RBM26: variants seen among roughly 807,000 people sequenced by gnomAD.
RBM26 encodes RNA binding motif protein 26.
A neutral mutation model predicts 123.6 loss-of-function variants in RBM26; 30 were observed. The ratio of observed to expected loss-of-function variants is 0.24; its 90% CI spans 0.18 to 0.33. The LOEUF (loss-of-function observed/expected upper bound fraction) is 0.33. RBM26 is among the 10% of genes least tolerant of loss of function. The pLI is 1.00. For missense variants in RBM26, 947 were observed against 1,203.6 expected, an observed-to-expected ratio of 0.79 and a Z score of 3.15; for synonymous variants, 400 against 404.4, an observed-to-expected ratio of 0.99 and a Z score of 0.13.
intron 18 of RBM26, among the ~76,000 whole-genome samples, chr13:79,337,556 T>C (rs2070655773): frequency 6.6e-6 from 1 of 152,206 alleles, no homozygotes; most frequent in Non-Finnish European, 1.5e-5. Flanking sequence ...TCTTGCTCTC[T>C]AAGACATCAG....
At chr13:79,399,986 T>C (rs1054256062) in intron 1 of RBM26, among the ~76,000 whole-genome samples, 2 of 152,122 alleles carry the variant, frequency 1.3e-5, no homozygotes, top group Non-Finnish European at 2.9e-5. Context: ...AGTGGTTAAG[T>C]CTAAACATAC....
chr13:79,320,106 TAC>T lies in RBM26; in HGVS notation c.*513_*514del. On this transcript the variant is annotated 3_prime_UTR_variant, in exon 22 of 22. Coordinates refer to ENST00000438737, the MANE Select transcript of RBM26 (RefSeq NM_001366735.2). ...ATTAAAACCCATATGGTAAAATACA[TAC>T]ACAGTCCAACAAAAGGCTAATACAT... The T allele has an allele frequency of 1.0e-6, 1 of 973,938 alleles. No homozygotes were observed. Among genetic ancestry groups the T allele is most frequent in the African/African-American group, 1.8e-5 (1 of 56,848 alleles). 60.3% of individuals were successfully genotyped at this position (973,938 alleles called of 1,614,324 possible). A position where few individuals can be genotyped will look rare whatever the true frequency, so the allele number is the denominator to read the frequency against.
chr13:79,396,454 T>G (rs1426108550), intron 1 of RBM26, among the ~76,000 whole-genome samples: 1 of 152,170 alleles, frequency 6.6e-6, no homozygotes, highest in Non-Finnish European at 1.5e-5. Flanking sequence ...TCCTAGTTAT[T>G]AAACGAATAG....
intron 18 of RBM26, among the ~76,000 whole-genome samples, chr13:79,340,340 G>A (rs890124936): frequency 6.6e-6 from 1 of 151,902 alleles, no homozygotes; most frequent in African/African-American, 2.4e-5. Flanking sequence ...TTAATACCTG[G>A]ATGGCAGTAT....
At chr13:79,374,393 A>C (rs1356407130) in intron 3 of RBM26, among the ~76,000 whole-genome samples, 2 of 152,030 alleles carry the variant, frequency 1.3e-5, no homozygotes, top group African/African-American at 4.8e-5. Context: ...AGGCTGAGAG[A>C]GGAGAATTGC....
chr13:79,326,673 A>C (rs1329202847), intron 20 of RBM26, among the ~76,000 whole-genome samples: 8 of 152,182 alleles, frequency 5.3e-5, no homozygotes, highest in Admixed American at 5.2e-4. Flanking sequence ...TTCACAAATG[A>C]ATTCTATTAA....
intron 3 of RBM26, among the ~76,000 whole-genome samples, chr13:79,376,016 A>G (rs909201667): frequency 1.3e-5 from 2 of 152,146 alleles, no homozygotes; most frequent in East Asian, 3.9e-4. Flanking sequence ...CCTCACAAGA[A>G]CCTTTAATAT....
intron 11 of RBM26, among the ~76,000 whole-genome samples, chr13:79,358,005 C>T (rs555179023): frequency 6.6e-6 from 1 of 152,026 alleles, no homozygotes; most frequent in South Asian, 2.1e-4. Flanking sequence ...GCCTCAACCT[C>T]CCGAGTAGCT....
chr13:79,394,485 G>A lies in RBM26; in HGVS notation c.71+11219C>T, dbSNP rs376844293. The stretch of plus-strand genomic sequence containing the variant: ...GTGCCGTTTTTGGAAGCATATAAAG[G>A]CTTTCCATGAGTATTTCTCTTGCTT... On this transcript the variant is annotated intron_variant, in intron 1 of 21. Transcript: ENST00000438737. 1.5e-3 allele frequency among the ~76,000 whole-genome samples: 226 copies of A among 152,236 alleles called. 2 individuals carry two copies. Among genetic ancestry groups the A allele is most frequent in the African/African-American group, 5.4e-3 (223 of 41,558 alleles).
At chr13:79,352,479 T>A (rs1407687268) in intron 14 of RBM26, among the ~76,000 whole-genome samples, 6 of 145,428 alleles carry the variant, frequency 4.1e-5, no homozygotes, top group African/African-American at 1.5e-4. Context: ...AAAAAAAAAA[T>A]AACATCTACA....
At chr13:79,363,151 A>G (rs780519902) in intron 9 of RBM26, among the ~76,000 whole-genome samples, 1 of 152,170 alleles carries the variant, frequency 6.6e-6, no homozygotes, top group Non-Finnish European at 1.5e-5. Flanking sequence ...TCAATGCATC[A>G]AAGGGCCCAA....
intron 19 of RBM26, 70 bp from the exon 20 acceptor site, chr13:79,334,500 A>T: frequency 1.3e-6 from 1 of 758,074 alleles, no homozygotes; most frequent in Non-Finnish European, 2.1e-6. Context: ...TAATGGTATT[A>T]AAAAACATTA....
In RBM26 at chr13:79,366,860, CA is replaced by C; in HGVS notation, c.907del (p.Cys303ValfsTer2). 2 of 1,599,582 alleles carry C rather than the reference CA, an allele frequency of 1.3e-6. No homozygotes were observed. Among genetic ancestry groups the C allele is most frequent in the Admixed American group, 1.7e-5 (1 of 58,870 alleles). On this transcript the variant is annotated frameshift_variant, in exon 7 of 22. Coordinates refer to ENST00000438737, the MANE Select transcript of RBM26 (RefSeq NM_001366735.2). LOFTEE classifies it high-confidence loss of function. ...RCRDYDEKGF[C>X]MRGDMCPFDH... ...AAAAGGACACATGTCTCCTCTCATACAAAAACCCTTTTCTATGAGGAAGGAA... is the reference window on the plus strand; with the variant it reads ...AAAAGGACACATGTCTCCTCTCATACAAAACCCTTTTCTATGAGGAAGGAA...
rs1485643380 is a variant in RBM26 at position 79,405,910 on chromosome 13, C to T, written c.-136G>A. On this transcript the variant is annotated 5_prime_UTR_variant, in exon 1 of 22. Transcript: ENST00000438737. ...GGGAGGCGCCGGTGGCAGGTTCCCGCGGGCCCCGGTCGGCGAACAGCTCTG... is the reference window on the plus strand; with the variant it reads ...GGGAGGCGCCGGTGGCAGGTTCCCGTGGGCCCCGGTCGGCGAACAGCTCTG... 1 of 391,428 alleles carries T rather than the reference C, an allele frequency of 2.6e-6. No individual in the cohort carries two copies. 24.2% of individuals were successfully genotyped at this position (391,428 alleles called of 1,614,324 possible).
chr13:79,315,722 A>G (rs959806940), downstream of RBM26, among the ~76,000 whole-genome samples: 1 of 151,842 alleles, frequency 6.6e-6, no homozygotes, highest in Non-Finnish European at 1.5e-5. Flanking sequence ...AAACTGCAAG[A>G]AAGTTATACC....
intron 17 of RBM26, 130 bp downstream of exon 17, chr13:79,342,534 G>A (rs908551501): frequency 1.1e-5 from 7 of 651,244 alleles, no homozygotes; most frequent in Admixed American, 5.9e-5. Context: ...TTATGGCAGG[G>A]GGAGAATGGT....
intron 14 of RBM26, 82 bp downstream of exon 14, chr13:79,353,071 C>T: frequency 1.3e-6 from 1 of 774,554 alleles, no homozygotes; most frequent in Non-Finnish European, 2.1e-6. Context: ...GAGTTTAGAA[C>T]TATGAAAAAA....
At chr13:79,339,036 A>G (rs2070935873) in intron 18 of RBM26, among the ~76,000 whole-genome samples, 1 of 152,186 alleles carries the variant, frequency 6.6e-6, no homozygotes, top group Admixed American at 6.5e-5. Flanking sequence ...TGAAGCAGGC[A>G]CAGCTGCCAA....
Position 79,366,835 on chromosome 13 carries a change from A to C in RBM26, c.933T>G (p.Phe311Leu). ...CAACTACTGGATCACTTCCATGATCAAAAGGACACATGTCTCCTCTCATAC... is the reference window on the plus strand; with the variant it reads ...CAACTACTGGATCACTTCCATGATCCAAAGGACACATGTCTCCTCTCATAC... ...GFCMRGDMCPFDHGSDPVVVE... is the reference protein window; with the variant it reads ...GFCMRGDMCPLDHGSDPVVVE... The change falls in exon 7 of 22, where the codon TTT becomes TTG. Residue 311 changes from phenylalanine (F) to leucine (L), a missense_variant. This residue lies in a region of RBM26 where 11 missense variants were observed against 44.5 expected (regional missense o/e 0.25). Coordinates refer to ENST00000438737, the MANE Select transcript of RBM26 (RefSeq NM_001366735.2). 6.2e-7 allele frequency: 1 copy of C among 1,612,834 alleles called. No individual in the cohort carries two copies. Among genetic ancestry groups the C allele is most frequent in the Non-Finnish European group, 8.5e-7 (1 of 1,179,096 alleles).
Sources: gnomAD v4.1 joint callset for allele counts (sites outside exome capture counted in the v4.1 genomes callset) on GRCh38, gnomAD v4.1.1 for gene constraint, gnomAD v4.1.1 regional missense constraint, MANE v1.5 for transcripts, NCBI Gene and HGNC (gene_info 2026-07-23, HGNC 2026-07-21) for gene names.